The following JAKMIP1 variants were observed in gnomAD, a reference collection of about 807,000 sequenced individuals.
The protein encoded by JAKMIP1 is janus kinase and microtubule-interacting protein 1.
JAKMIP1 carries 33 observed loss-of-function variants against 113.0 expected under a neutral mutation model. The ratio of observed to expected loss-of-function variants is 0.29; its 90% confidence interval spans 0.22 to 0.39. The LOEUF (loss-of-function observed/expected upper bound fraction) is 0.39. Among genes scored for constraint, JAKMIP1 ranks in the 10% least tolerant of loss-of-function variants. The probability of loss-of-function intolerance (pLI) is 1.00; values close to 1 mark genes in which losing one functional copy is unlikely to be tolerated. For synonymous variants in JAKMIP1, 480 were observed against 459.9 expected, an observed-to-expected ratio of 1.04 and a Z score of -0.56; for missense variants, 813 against 1,080.5, an observed-to-expected ratio of 0.75 and a Z score of 3.47.
At position 6,081,897 on chromosome 4, in the gene JAKMIP1, G is replaced by T; in HGVS notation, c.955-142C>A. The T allele has an allele frequency of 1.1e-6, 1 of 880,862 alleles. No individual in the cohort carries two copies. The highest frequency in any genetic ancestry group is 1.7e-6 in the Non-Finnish European group (1 of 580,382). 54.6% of individuals were successfully genotyped at this position (880,862 alleles called of 1,614,324 possible). A position where few individuals can be genotyped will look rare whatever the true frequency, so the allele number is the denominator to read the frequency against. ...TGGATGACACATTTGTTTGCTAGTT[G>T]CATGACAATGGGCAAGTTCTCAGCC... On this transcript the variant is annotated intron_variant, in intron 5 of 20. Transcript: ENST00000409021. The surrounding 1 kb of genome is among the most constrained non-coding windows in gnomAD (Gnocchi z 4.6).
At chr4:6,063,251 G>A (rs960146345) in intron 9 of JAKMIP1, among the ~76,000 whole-genome samples, 9 of 152,244 alleles carry the variant, frequency 5.9e-5, no homozygotes, top group East Asian at 3.8e-4. Flanking sequence ...TCATCAGTGC[G>A]TGCTGCTCAT....
intron 1 of JAKMIP1, among the ~76,000 whole-genome samples, chr4:6,169,645 T>TGA (rs1724109809): frequency 7.2e-6 from 1 of 138,998 alleles, no homozygotes; most frequent in Non-Finnish European, 1.6e-5. Flanking sequence ...GTGTGTGAAT[T>TGA]ATTTTCAGAT....
chr4:6,177,537 G>A (rs1725498812), intron 1 of JAKMIP1, among the ~76,000 whole-genome samples: 1 of 152,174 alleles, frequency 6.6e-6, no homozygotes, highest in Admixed American at 6.5e-5. Context: ...TTCCCTGTCA[G>A]TTGGACCTAG....
chr4:6,150,972 G>A lies in JAKMIP1; in HGVS notation c.-147-37975C>T, dbSNP rs1256992923. Among the ~76,000 whole-genome samples, 1 of 152,114 alleles carries A rather than the reference G, an allele frequency of 6.6e-6. No homozygotes were observed. The stretch of plus-strand genomic sequence containing the variant: ...GTCATCCACCAAAAGCAAAACACCT[G>A]GTGAAGGCTGCTGGGGATGGCAGCT... On this transcript the variant is annotated intron_variant, in intron 1 of 20. Coordinates refer to ENST00000409021, the MANE Select transcript of JAKMIP1 (RefSeq NM_001099433.2). This position sits in a 1 kb window ranked among gnomAD's most constrained non-coding sequence, Gnocchi z 4.8.
In JAKMIP1 at chr4:6,044,988, C is replaced by T. The variant is rs1444149405; in HGVS notation, c.2029-2761G>A. On this transcript the variant is annotated intron_variant, in intron 16 of 20. Coordinates refer to ENST00000409021, the MANE Select transcript of JAKMIP1 (RefSeq NM_001099433.2). The surrounding 1 kb of genome is among the most constrained non-coding windows in gnomAD (Gnocchi z 4.4). ...CACAGGGAGGTGCTGATGAACTGAG[C>T]AGCCTCATGGGGGCAGCATGCTGCA... Among the ~76,000 whole-genome samples the T allele has an allele frequency of 6.6e-6, 1 of 152,238 alleles. No individual in the cohort carries two copies. Among genetic ancestry groups the T allele is most frequent in the African/African-American group, 2.4e-5 (1 of 41,474 alleles).
At chr4:6,070,033 C>G (rs1019761964) in intron 8 of JAKMIP1, 2 of 398,608 alleles carry the variant, frequency 5.0e-6, no homozygotes, top group Non-Finnish European at 8.8e-6. Flanking sequence ...CCTCAAAACG[C>G]AAAACCCCGA....
At chr4:6,125,574 C>T (rs1313625635) in intron 1 of JAKMIP1, among the ~76,000 whole-genome samples, 1 of 149,750 alleles carries the variant, frequency 6.7e-6, no homozygotes, top group African/African-American at 2.5e-5. Flanking sequence ...GAAACACACA[C>T]ACACACCATA....
intron 1 of JAKMIP1, among the ~76,000 whole-genome samples, chr4:6,171,588 G>A (rs905736914): frequency 4.3e-5 from 6 of 138,680 alleles, no homozygotes; most frequent in East Asian, 2.1e-4. Context: ...AAACCGTCTC[G>A]ATCCCCCCCC....
At chr4:6,039,190 G>A (rs1457418607) in intron 18 of JAKMIP1, among the ~76,000 whole-genome samples, 1 of 152,116 alleles carries the variant, frequency 6.6e-6, no homozygotes, top group Admixed American at 6.5e-5. Flanking sequence ...CATTCTTAGG[G>A]GCCCCTCAGG....
intron 1 of JAKMIP1, among the ~76,000 whole-genome samples, chr4:6,196,871 AAAAAC>A (rs1337113650): frequency 6.6e-6 from 1 of 151,980 alleles, no homozygotes; most frequent in Non-Finnish European, 1.5e-5. Context: ...AAAAAAAAAA[AAAAAC>A]AAAAGCACCA....
intron 11 of JAKMIP1, among the ~76,000 whole-genome samples, chr4:6,057,276 G>A (rs1716607848): frequency 6.6e-6 from 1 of 152,220 alleles, no homozygotes; most frequent in Admixed American, 6.5e-5. Context: ...TGGGGACAGG[G>A]GGACTCTGTG....
Position 6,044,418 on chromosome 4 carries a change from G to A in JAKMIP1, c.2029-2191C>T, listed in dbSNP as rs534474958. On this transcript the variant is annotated intron_variant, in intron 16 of 20. Transcript: ENST00000409021. The surrounding 1 kb of genome is among the most constrained non-coding windows in gnomAD (Gnocchi z 4.4). ...CCTGCCACAGAACTCCTTCCCTAACGCCACAGTGAGCTCGGCCCCCAGTAC... is the reference window on the plus strand; with the variant it reads ...CCTGCCACAGAACTCCTTCCCTAACACCACAGTGAGCTCGGCCCCCAGTAC... 7.9e-5 allele frequency among the ~76,000 whole-genome samples: 12 copies of A among 152,150 alleles called. No individual in the cohort carries two copies. The highest frequency in any genetic ancestry group is 1.2e-4 in the African/African-American group (5 of 41,536).
intron 17 of JAKMIP1, among the ~76,000 whole-genome samples, chr4:6,041,500 C>G (rs1178518547): frequency 6.6e-6 from 1 of 152,194 alleles, no homozygotes; most frequent in African/African-American, 2.4e-5. Flanking sequence ...TGGCCTTTGA[C>G]TACTCAAGAA....
At chr4:6,052,365 G>A (rs1715765065) in intron 13 of JAKMIP1, among the ~76,000 whole-genome samples, 1 of 152,180 alleles carries the variant, frequency 6.6e-6, no homozygotes. Context: ...TCATTTTGTA[G>A]GCCGGGCATG....
chr4:6,117,335 A>T (rs112927915), intron 1 of JAKMIP1, among the ~76,000 whole-genome samples: 12,960 of 152,128 alleles, frequency 0.085, 657 homozygotes, highest in African/African-American at 0.14. Flanking sequence ...GGGAGACATC[A>T]CTCATTGGTA....
rs1459835206 is a variant in JAKMIP1, at chr4:6,168,943, G to A, written c.-148+31310C>T. On this transcript the variant is annotated intron_variant, in intron 1 of 20. Coordinates refer to ENST00000409021, the MANE Select transcript of JAKMIP1 (RefSeq NM_001099433.2). The surrounding 1 kb of genome is among the most constrained non-coding windows in gnomAD (Gnocchi z 4.6). ...AAAAAAATCATAGGGACAAGAAGTA[G>A]ATGTAGTGGTTGTCAGGGGTCACGT... Among the ~76,000 whole-genome samples the A allele has an allele frequency of 6.6e-6, 1 of 152,128 alleles. No individual in the cohort carries two copies. The highest frequency in any genetic ancestry group is 2.1e-4 in the South Asian group (1 of 4,806).
rs191366240 is a variant in JAKMIP1 at position 6,158,618 on chromosome 4, C to A, written c.-148+41635G>T. The stretch of plus-strand genomic sequence containing the variant: ...ATCCCATAGGGCCATTTCTCCACCC[C>A]CCACCCCCACCAGCCCCAGCTAGTA... On this transcript the variant is annotated intron_variant, in intron 1 of 20. Coordinates refer to ENST00000409021, the MANE Select transcript of JAKMIP1 (RefSeq NM_001099433.2). This position sits in a 1 kb window ranked among gnomAD's most constrained non-coding sequence, Gnocchi z 5.3. Among the ~76,000 whole-genome samples the A allele has an allele frequency of 1.1e-3, 162 of 152,156 alleles. 1 individual carries two copies. The highest frequency in any genetic ancestry group is 3.7e-4 in the Non-Finnish European group (25 of 68,008).
rs1012553400 is a variant in JAKMIP1 at position 6,061,215 on chromosome 4, G to A, written c.1561-708C>T. Among the ~76,000 whole-genome samples the A allele has an allele frequency of 6.6e-6, 1 of 152,232 alleles. No homozygotes were observed. Among genetic ancestry groups the A allele is most frequent in the South Asian group, 2.1e-4 (1 of 4,830 alleles). On this transcript the variant is annotated intron_variant, in intron 10 of 20. Coordinates refer to ENST00000409021, the MANE Select transcript of JAKMIP1 (RefSeq NM_001099433.2). The surrounding 1 kb of genome is among the most constrained non-coding windows in gnomAD (Gnocchi z 5.3). ...CTTGATTTTTAAATGTTGGCAAGTA[G>A]ATGAAATTTAAAAAGCGAAACAAAA...
chr4:6,170,672 T>C (rs1296072639), intron 1 of JAKMIP1, among the ~76,000 whole-genome samples: 2 of 144,632 alleles, frequency 1.4e-5, no homozygotes, highest in Non-Finnish European at 3.0e-5. Flanking sequence ...CCCACCACCC[T>C]TCTCACCTCC....
Sources: gnomAD v4.1 joint callset for allele counts (sites outside exome capture counted in the v4.1 genomes callset) on GRCh38, gnomAD v4.1.1 for gene constraint, Gnocchi (gnomAD v3.1) non-coding constraint, MANE v1.5 for transcripts, NCBI Gene and HGNC (gene_info 2026-07-23, HGNC 2026-07-21) for gene names.